HOXD3: variants seen among roughly 807,000 people sequenced by gnomAD.
HOXD3 encodes homeobox D3, also known as homeobox protein Hox-D3.
In HOXD3, 13 loss-of-function variants were observed where a neutral mutation model predicts 32.8. The ratio of observed to expected loss-of-function variants is 0.40; its 90% CI spans 0.26 to 0.63. The LOEUF (loss-of-function observed/expected upper bound fraction) is 0.63. HOXD3 is among the 20% of genes least tolerant of loss of function. The pLI is 0.44. For synonymous variants in HOXD3, 241 were observed against 246.8 expected (o/e 0.98, Z 0.22); for missense variants, 504 against 577.1 (o/e 0.87, Z 1.30).
upstream of HOXD3, among the ~76,000 whole-genome samples, chr2:176,157,148 C>T (rs1690664484): frequency 6.6e-6 from 1 of 152,174 alleles, no homozygotes; most frequent in African/African-American, 2.4e-5. Context: ...CTGCCCCCCG[C>T]GCCGGGCTGG....
At chr2:176,159,296 C>T (rs916629017) in intron 1 of HOXD3, among the ~76,000 whole-genome samples, 2 of 152,212 alleles carry the variant, frequency 1.3e-5, no homozygotes, top group Admixed American at 1.3e-4. Flanking sequence ...GGGCCTCTGG[C>T]CAGGCCCGGC....
chr2:176,171,449 A>AC, intron 3 of HOXD3, 68 bp from the exon 4 acceptor site: 1 of 1,375,790 alleles, frequency 7.3e-7, no homozygotes. Flanking sequence ...CCAGGGAAGC[A>AC]CCCCTCTCCA....
chr2:176,171,502 T>A lies in HOXD3; in HGVS notation c.542-15T>A. 3 of 1,564,288 alleles carry A rather than the reference T, an allele frequency of 1.9e-6. No individual in the cohort carries two copies. The highest frequency in any genetic ancestry group is 2.6e-6 in the Non-Finnish European group (3 of 1,154,034). On this transcript the variant is annotated splice_polypyrimidine_tract_variant and intron_variant, in intron 3 of 3. Coordinates refer to ENST00000683222, the MANE Select transcript of HOXD3 (RefSeq NM_006898.5). ...CCACTCGCTCAGCGCCCTCCCTCTC[T>A]CCCTCCCTGCCCAGGAGAGAGCTGC...
At chr2:176,159,361 A>G (rs1690725860) in intron 1 of HOXD3, among the ~76,000 whole-genome samples, 1 of 152,160 alleles carries the variant, frequency 6.6e-6, no homozygotes, top group Admixed American at 6.5e-5. Context: ...GGCCTCCAGG[A>G]CATTCCTGCG....
At chr2:176,153,394 C>CA (rs552539232), upstream of HOXD3, among the ~76,000 whole-genome samples, 8 of 152,062 alleles carry the variant, frequency 5.3e-5, no homozygotes, top group Middle Eastern at 3.4e-3. Context: ...CAGTGGAAGC[C>CA]AGAGAGCTGG....
At chr2:176,158,208 G>A (rs1300196869) in intron 1 of HOXD3, among the ~76,000 whole-genome samples, 1 of 152,216 alleles carries the variant, frequency 6.6e-6, no homozygotes, top group East Asian at 1.9e-4. Flanking sequence ...GCGAGAAGAA[G>A]TCCCTGCAGC....
chr2:176,168,830 T>C (rs186522919), intron 2 of HOXD3, among the ~76,000 whole-genome samples: 5 of 152,222 alleles, frequency 3.3e-5, no homozygotes, highest in Non-Finnish European at 5.9e-5. Context: ...GCCATGTTCA[T>C]GCCACTGCAC....
At chr2:176,162,659 C>T (rs1035047059) in intron 1 of HOXD3, among the ~76,000 whole-genome samples, 7 of 152,132 alleles carry the variant, frequency 4.6e-5, no homozygotes, top group Non-Finnish European at 5.9e-5. Context: ...GTCCTCTTTC[C>T]TTTCTTCTTC....
At chr2:176,163,369 G>C (rs1690866274) in intron 1 of HOXD3, among the ~76,000 whole-genome samples, 3 of 151,740 alleles carry the variant, frequency 2.0e-5, no homozygotes. Context: ...GCTGAGCGGT[G>C]ACAGTGGTGG....
chr2:176,163,050 C>G (rs559989453), intron 1 of HOXD3, among the ~76,000 whole-genome samples: 1 of 152,102 alleles, frequency 6.6e-6, no homozygotes, highest in South Asian at 2.1e-4. Flanking sequence ...TGGCTTTTCC[C>G]CCTGGGTCCA....
chr2:176,152,989 G>A (rs982176651), upstream of HOXD3: 1 of 1,579,070 alleles, frequency 6.3e-7, no homozygotes, highest in Non-Finnish European at 8.7e-7. The surrounding 1 kb of genome is among the most constrained non-coding windows in gnomAD (Gnocchi z 5.2). Flanking sequence ...AGGCTGAGCC[G>A]AAGCTGCGGG....
intron 1 of HOXD3, among the ~76,000 whole-genome samples, chr2:176,161,399 T>G (rs1690799336): frequency 6.6e-6 from 1 of 152,050 alleles, no homozygotes; most frequent in Admixed American, 6.5e-5. Flanking sequence ...GGGGATTGAG[T>G]GCTGGAGGAA....
At position 176,171,753 on chromosome 2, in the gene HOXD3, C is replaced by T. The variant is rs1221328132; in HGVS notation, c.778C>T (p.His260Tyr). 2 of 1,613,922 alleles carry T rather than the reference C, an allele frequency of 1.2e-6. No individual in the cohort carries two copies. The highest frequency in any genetic ancestry group is 2.7e-5 in the African/African-American group (2 of 74,942). Residue 260 changes from histidine (H) to tyrosine (Y), a missense_variant, in exon 4 of 4, where the codon CAC becomes TAC. By Grantham distance (83) the His-to-Tyr change is moderately conservative. Around this residue, in one of 3 missense-constraint regions of HOXD3, gnomAD observed 97 missense variants for 158.0 expected, o/e 0.61. Coordinates refer to ENST00000683222, the MANE Select transcript of HOXD3 (RefSeq NM_006898.5). ...KKDQKAKGIL[H>Y]SPASQSPERS... ...GGACCAGAAGGCCAAGGGCATCCTG[C>T]ACTCGCCGGCTAGCCAGTCCCCTGA...
chr2:176,159,621 C>G (rs1271098447), intron 1 of HOXD3, among the ~76,000 whole-genome samples: 1 of 152,144 alleles, frequency 6.6e-6, no homozygotes, highest in Non-Finnish European at 1.5e-5. Flanking sequence ...GCCAGGAGGT[C>G]CGCTGCTGGC....
Position 176,169,393 on chromosome 2 carries a change from G to C in HOXD3, c.279G>C (p.Pro93=), listed in dbSNP as rs34729309. 1.9e-6 allele frequency: 3 copies of C among 1,613,468 alleles called. No homozygotes were observed. Among genetic ancestry groups the C allele is most frequent in the East Asian group, 4.5e-5 (2 of 44,866 alleles). ...AACTCAATGGCAGCTGCATGCGGCCGGGCACTGGGAACAGCCAGGGTGGGG... is the reference window on the plus strand; with the variant it reads ...AACTCAATGGCAGCTGCATGCGGCCCGGCACTGGGAACAGCCAGGGTGGGG... ...GAELNGSCMR[P]GTGNSQGGGG... Residue 93 remains proline (P), a synonymous_variant, in exon 3 of 4, where the codon CCG becomes CCC. Transcript: ENST00000683222.
At chr2:176,157,825 G>C (rs1411160950) in intron 1 of HOXD3, among the ~76,000 whole-genome samples, 1 of 152,168 alleles carries the variant, frequency 6.6e-6, no homozygotes, top group African/African-American at 2.4e-5. Flanking sequence ...GTAAAAAACC[G>C]GCCCGGCTGG....
upstream of HOXD3, among the ~76,000 whole-genome samples, chr2:176,153,400 G>A (rs1014517556): frequency 6.6e-6 from 1 of 152,128 alleles, no homozygotes; most frequent in African/African-American, 2.4e-5. Flanking sequence ...AAGCCAGAGA[G>A]CTGGGTCAGG....
At chr2:176,160,810 C>CGGGCGGGTGGACCGAT (rs1305984461) in intron 1 of HOXD3, 4 of 144,540 alleles carry the variant, frequency 2.8e-5, no homozygotes, top group African/African-American at 1.0e-4. Flanking sequence ...AGCGGACGGG[C>CGGGCGGGTGGACCGAT]GGGCGGGTGG....
intron 1 of HOXD3, among the ~76,000 whole-genome samples, chr2:176,160,346 G>C (rs1690761496): frequency 1.3e-5 from 2 of 152,234 alleles, no homozygotes; most frequent in Non-Finnish European, 1.5e-5. Context: ...GGCCCAGCCA[G>C]GGTCAGAGGT....
Sources: gnomAD v4.1 joint callset for allele counts (sites outside exome capture counted in the v4.1 genomes callset) on GRCh38, gnomAD v4.1.1 for gene constraint, gnomAD v4.1.1 regional missense constraint, Gnocchi (gnomAD v3.1) non-coding constraint, MANE v1.5 for transcripts, NCBI Gene and HGNC (gene_info 2026-07-23, HGNC 2026-07-21) for gene names.